TDRD7: variants seen among roughly 807,000 people sequenced by gnomAD.
TDRD7 encodes tudor domain containing 7.
A neutral mutation model predicts 109.8 loss-of-function variants in TDRD7; 47 were observed. The observed-to-expected ratio is 0.43, with a 90% confidence interval of 0.34 to 0.55. TDRD7 has a LOEUF of 0.55. Ranked by LOEUF, TDRD7 falls within the 20% of genes least tolerant of loss-of-function variation. The probability of loss-of-function intolerance (pLI) is 0.03; values close to 1 mark genes in which losing one functional copy is unlikely to be tolerated. For missense variants in TDRD7, 1,164 were observed against 1,319.2 expected (o/e 0.88, Z 1.82); for synonymous variants, 424 against 457.3 (o/e 0.93, Z 0.93).
At chr9:97,432,381 A>G (rs796515728) in intron 4 of TDRD7, 143 bp downstream of exon 4, 1 of 741,366 alleles carries the variant, frequency 1.3e-6, no homozygotes, top group South Asian at 1.5e-5. Context: ...AGTTAAGTTC[A>G]CTTCTAGCTG....
intron 10 of TDRD7, among the ~76,000 whole-genome samples, chr9:97,472,795 G>A (rs1222947593): frequency 6.6e-6 from 1 of 152,070 alleles, no homozygotes; most frequent in Non-Finnish European, 1.5e-5. Context: ...TTGGGTCCAT[G>A]AAGATGTTGA....
chr9:97,472,500 C>T lies in TDRD7; in HGVS notation c.1944+5C>T. ...TCACTAGAGGTTCACCTGCAGGTAC[C>T]ACTGTGATCACTGTTGTTGCTTGTT... On this transcript the variant is annotated splice_donor_5th_base_variant and intron_variant, in intron 10 of 16. Transcript: ENST00000355295. The T allele has an allele frequency of 6.2e-7, 1 of 1,606,222 alleles. No individual in the cohort carries two copies. Among genetic ancestry groups the T allele is most frequent in the Non-Finnish European group, 8.5e-7 (1 of 1,173,150 alleles).
chr9:97,414,369 G>A (rs1827777440), intron 1 of TDRD7, among the ~76,000 whole-genome samples: 1 of 152,242 alleles, frequency 6.6e-6, no homozygotes, highest in African/African-American at 2.4e-5. Context: ...ATTTTAGCCT[G>A]TGCAGCTTTG....
chr9:97,487,266 A>G lies in TDRD7; in HGVS notation c.3010A>G (p.Lys1004Glu), dbSNP rs142381945. ...YGKHELVNIR[K>E]VQPLVDMFRK... is the part of the protein sequence containing the mutation. ...CAAACACGAATTAGTCAACATAAGA[A>G]AAGTACAGCCCCTAGTGGACATGTT... The change falls in exon 16 of 17, where the codon AAA (lysine) becomes GAA (glutamate). Residue 1004 changes from lysine (K) to glutamate (E), a missense_variant. By Grantham distance (56) the Lys-to-Glu change is moderately conservative (BLOSUM62 1). Coordinates refer to ENST00000355295, the MANE Select transcript of TDRD7 (RefSeq NM_014290.3). 64 of 1,613,924 alleles carry G rather than the reference A, an allele frequency of 4.0e-5. No homozygotes were observed. In the African/African-American group the frequency reaches 7.2e-4, roughly 18 times the overall value.
intron 1 of TDRD7, among the ~76,000 whole-genome samples, chr9:97,413,409 C>T (rs1827756841): frequency 6.6e-6 from 1 of 151,658 alleles, no homozygotes; most frequent in African/African-American, 2.4e-5. Context: ...ATAGAGGTAC[C>T]TGGCTTACTT....
intron 6 of TDRD7, among the ~76,000 whole-genome samples, chr9:97,450,372 A>G (rs1294522053): frequency 6.6e-6 from 1 of 152,220 alleles, no homozygotes; most frequent in Non-Finnish European, 1.5e-5. Context: ...CTCCTTAGGT[A>G]TATGCCTGAA....
At position 97,484,312 on chromosome 9, in the gene TDRD7, C is replaced by G. The variant is rs147218220; in HGVS notation, c.2915+961C>G. On this transcript the variant is annotated intron_variant, in intron 15 of 16. Coordinates refer to ENST00000355295, the MANE Select transcript of TDRD7 (RefSeq NM_014290.3). ...CCCTGCAGGATGTGCTGGTTTCATC[C>G]AAGTGAAGCCCAGACACCCCACTGT... 1.9e-3 allele frequency among the ~76,000 whole-genome samples: 291 copies of G among 152,270 alleles called. 3 individuals carry two copies. Among genetic ancestry groups the G allele is most frequent in the African/African-American group, 6.7e-3 (279 of 41,546 alleles).
At chr9:97,458,592 C>T (rs1343158176) in intron 6 of TDRD7, among the ~76,000 whole-genome samples, 1 of 152,116 alleles carries the variant, frequency 6.6e-6, no homozygotes, top group Non-Finnish European at 1.5e-5. Context: ...AGCAGGAGAC[C>T]ATGACAGATT....
At chr9:97,457,259 C>T (rs1269716380) in intron 6 of TDRD7, among the ~76,000 whole-genome samples, 5 of 152,010 alleles carry the variant, frequency 3.3e-5, no homozygotes, top group African/African-American at 4.8e-5. Context: ...GACAGTATGG[C>T]GACAATTCCT....
At position 97,472,316 on chromosome 9, in the gene TDRD7, C is replaced by G. The variant is rs770168032; in HGVS notation, c.1765C>G (p.Pro589Ala). The G allele has an allele frequency of 6.2e-7, 1 of 1,613,654 alleles. No individual in the cohort carries two copies. The highest frequency in any genetic ancestry group is 1.7e-5 in the Admixed American group (1 of 59,990). Residue 589 changes from proline (P) to alanine (A), a missense_variant, in exon 10 of 17, where the codon CCT becomes GCT. By Grantham distance (27) the Pro-to-Ala change is conservative. This residue lies in a region of TDRD7 where 261 missense variants were observed against 336.2 expected (regional missense o/e 0.78). Transcript: ENST00000355295. ...AGGCTTGGAAGTCCTAAGCGATGAC[C>G]CTGATCTAGTGAAGGTGGTTGAATC... ...LAGLEVLSDDPDLVKVVESLT... is the reference protein window; with the variant it reads ...LAGLEVLSDDADLVKVVESLT...
At chr9:97,421,203 G>T (rs1177725953) in intron 1 of TDRD7, among the ~76,000 whole-genome samples, 1 of 151,612 alleles carries the variant, frequency 6.6e-6, no homozygotes, top group East Asian at 1.9e-4. Context: ...CACCAGAAAT[G>T]TATGAGAGTT....
rs374700698 is a variant in TDRD7 at position 97,482,965 on chromosome 9, G to A, written c.2529G>A (p.Lys843=). Reference sequence around the variant, plus strand: ...AGATTACAAATGCAGACTTGTGGAAGCATCAGAAGGATGTGTTTTTGAGTG... The same window carrying A: ...AGATTACAAATGCAGACTTGTGGAAACATCAGAAGGATGTGTTTTTGAGTG... ...NRQITNADLW[K]HQKDVFLSAI... is the part of the protein sequence containing the mutation. Residue 843 remains lysine (K), a synonymous_variant, in exon 15 of 17, where the codon AAG becomes AAA. Transcript: ENST00000355295. 5 of 1,614,202 alleles carry A rather than the reference G, an allele frequency of 3.1e-6. No individual in the cohort carries two copies. Among genetic ancestry groups the A allele is most frequent in the Non-Finnish European group, 4.2e-6 (5 of 1,180,038 alleles).
intron 4 of TDRD7, among the ~76,000 whole-genome samples, chr9:97,434,918 A>C (rs1828167468): frequency 6.6e-6 from 1 of 152,190 alleles, no homozygotes; most frequent in Non-Finnish European, 1.5e-5. Context: ...AATCTCAAAA[A>C]GCGACATACT....
At chr9:97,464,385 C>G (rs544559266) in intron 7 of TDRD7, among the ~76,000 whole-genome samples, 4 of 152,328 alleles carry the variant, frequency 2.6e-5, no homozygotes, top group African/African-American at 9.6e-5. Flanking sequence ...GAGTCTCACT[C>G]TGTCATCCAG....
intron 7 of TDRD7, among the ~76,000 whole-genome samples, chr9:97,462,159 C>T (rs1828737102): frequency 6.6e-6 from 1 of 152,164 alleles, no homozygotes; most frequent in Non-Finnish European, 1.5e-5. Context: ...TACCATTTGA[C>T]TATACTATAA....
At chr9:97,442,872 T>G (rs1828335174) in intron 6 of TDRD7, among the ~76,000 whole-genome samples, 1 of 152,188 alleles carries the variant, frequency 6.6e-6, no homozygotes. Flanking sequence ...CTTGGCTCAC[T>G]GCAACCTTCG....
intron 16 of TDRD7, among the ~76,000 whole-genome samples, chr9:97,490,032 G>T (rs1033170038): frequency 6.6e-6 from 1 of 151,232 alleles, no homozygotes; most frequent in African/African-American, 2.4e-5. Context: ...ATGTGCACAC[G>T]TGCACACACA....
chr9:97,416,826 T>A (rs1400054559), intron 1 of TDRD7, among the ~76,000 whole-genome samples: 1 of 152,152 alleles, frequency 6.6e-6, no homozygotes, highest in African/African-American at 2.4e-5. Context: ...TCAACAAATA[T>A]TTATTGAGCT....
chr9:97,484,286 G>A (rs1311816521), intron 15 of TDRD7, among the ~76,000 whole-genome samples: 1 of 152,112 alleles, frequency 6.6e-6, no homozygotes, highest in Non-Finnish European at 1.5e-5. Context: ...CCTCCCCAAA[G>A]CCCTGCAGGA....
Sources: gnomAD v4.1 joint callset for allele counts (sites outside exome capture counted in the v4.1 genomes callset) on GRCh38, gnomAD v4.1.1 for gene constraint, gnomAD v4.1.1 regional missense constraint, MANE v1.5 for transcripts, NCBI Gene and HGNC (gene_info 2026-07-23, HGNC 2026-07-21) for gene names.